Variants in SLIT2 observed in about 807,000 individuals in gnomAD.
SLIT2 encodes the protein slit guidance ligand 2.
Under a neutral mutation model 185.7 loss-of-function variants are expected in SLIT2, and 41 were observed. The ratio of observed to expected loss-of-function variants is 0.22; its 90% CI spans 0.17 to 0.29. SLIT2 has a LOEUF of 0.29. SLIT2 is among the 10% of genes least tolerant of loss of function. The pLI, the probability that SLIT2 is intolerant of heterozygous loss-of-function variation, is 1.00. For missense variants in SLIT2, 1,571 were observed against 1,909.0 expected (o/e 0.82, Z 3.30); for synonymous variants, 693 against 680.2 (o/e 1.02, Z -0.29).
intron 17 of SLIT2, among the ~76,000 whole-genome samples, chr4:20,533,165 C>G (rs1488619237): frequency 6.6e-6 from 1 of 152,220 alleles, no homozygotes; most frequent in Non-Finnish European, 1.5e-5. Context: ...ATATAAAACA[C>G]TAACACATTT....
chr4:20,363,411 GA>G (rs1722887688), intron 4 of SLIT2, among the ~76,000 whole-genome samples: 1 of 152,132 alleles, frequency 6.6e-6, no homozygotes, highest in Non-Finnish European at 1.5e-5. Flanking sequence ...AAGCAGAAGA[GA>G]ATTTACATCT....
chr4:20,543,815 C>A (rs1476909197), intron 21 of SLIT2, among the ~76,000 whole-genome samples: 1 of 152,176 alleles, frequency 6.6e-6, no homozygotes, highest in South Asian at 2.1e-4. Context: ...CTTAGGTCCT[C>A]TCTCACTACC....
rs3215198 is a variant in SLIT2, at chr4:20,532,077, ATT to A, written c.1688+26_1688+27del. 10 of 1,323,938 alleles carry A rather than the reference ATT, an allele frequency of 7.6e-6. No individual in the cohort carries two copies. Among genetic ancestry groups the A allele is most frequent in the Non-Finnish European group, 1.0e-5 (10 of 959,570 alleles). The allele number at this position is 1,323,938 out of a possible 1,614,324, so 82.0% of individuals were successfully genotyped here. ...GTAAAATGTAAGTCACTTGTTAGCT[ATT>A]TTTTTTATTTCTGTAGCATTTTTTG... is the stretch of plus-strand genomic sequence containing the variant. On this transcript the variant is annotated intron_variant, in intron 17 of 36. Transcript: ENST00000504154.
intron 18 of SLIT2, among the ~76,000 whole-genome samples, chr4:20,537,581 T>C (rs1302555974): frequency 3.9e-5 from 6 of 152,172 alleles, no homozygotes; most frequent in African/African-American, 1.4e-4. Flanking sequence ...CTCCTTTCAT[T>C]GTATTTCTGT....
Position 20,608,168 on chromosome 4 carries a change from T to C in SLIT2, c.3693-1845T>C, listed in dbSNP as rs1354801838. Among the ~76,000 whole-genome samples the C allele has an allele frequency of 6.6e-5, 10 of 152,250 alleles. No individual in the cohort carries two copies. In the East Asian group the frequency reaches 1.9e-3, roughly 29 times the overall value. On this transcript the variant is annotated intron_variant, in intron 33 of 36. Transcript: ENST00000504154. Reference sequence around the variant, plus strand: ...ATTAATTTTTGCTATGCTGGGTATCTTTCAGTCATTTTACATAGTCCTCAA... The same window carrying C: ...ATTAATTTTTGCTATGCTGGGTATCCTTCAGTCATTTTACATAGTCCTCAA...
chr4:20,254,889 C>G lies in SLIT2; in HGVS notation c.179+895C>G, dbSNP rs535174193. 4 of 455,970 alleles carry G rather than the reference C, an allele frequency of 8.8e-6. No individual in the cohort carries two copies. Among genetic ancestry groups the G allele is most frequent in the East Asian group, 7.0e-5 (1 of 14,374 alleles). 28.2% of individuals were successfully genotyped at this position (455,970 alleles called of 1,614,324 possible). Reference sequence around the variant, plus strand: ...CCCCTGCCTTCCCCTCTTCGCGCTCCGTTGCTCGCAGACGTCCCCGCCTCC... The same window carrying G: ...CCCCTGCCTTCCCCTCTTCGCGCTCGGTTGCTCGCAGACGTCCCCGCCTCC... On this transcript the variant is annotated intron_variant, in intron 1 of 36. Transcript: ENST00000504154. The surrounding 1 kb of genome is among the most constrained non-coding windows in gnomAD (Gnocchi z 5.1).
In SLIT2 at chr4:20,254,120, A is replaced by T; in HGVS notation, c.179+126A>T. 1.0e-6 allele frequency: 1 copy of T among 964,940 alleles called. No individual in the cohort carries two copies. The highest frequency in any genetic ancestry group is 2.5e-5 in the East Asian group (1 of 39,860). The allele number at this position is 964,940 out of a possible 1,614,324, so 59.8% of individuals were successfully genotyped here. On this transcript the variant is annotated intron_variant, in intron 1 of 36. Transcript: ENST00000504154. This position sits in a 1 kb window ranked among gnomAD's most constrained non-coding sequence, Gnocchi z 5.1. ...CCCTCGCTAGCTCTCCCCCATGCAC[A>T]TCCTGGGGTTGAGCTCTCCGGGAGG...
chr4:20,259,714 A>C (rs1400648599), intron 3 of SLIT2, among the ~76,000 whole-genome samples: 4 of 151,808 alleles, frequency 2.6e-5, no homozygotes, highest in African/African-American at 9.7e-5. Flanking sequence ...TCCTCTGGGA[A>C]TGTCACTTCA....
intron 15 of SLIT2, among the ~76,000 whole-genome samples, chr4:20,525,402 C>T (rs1283560217): frequency 6.6e-6 from 1 of 152,052 alleles, no homozygotes. Context: ...CTTTCTTTTA[C>T]TTTGGCGCAT....
rs1464266387 is a variant in SLIT2, at chr4:20,367,948, C to T, written c.395+99067C>T. 2.0e-5 allele frequency among the ~76,000 whole-genome samples: 3 copies of T among 152,012 alleles called. No individual in the cohort carries two copies. In the South Asian group the frequency reaches 6.2e-4, roughly 31 times the overall value. ...TTCGTTGGAAGAGAGAGGTCCCTTT[C>T]CTTTCCTTTTGAAGATTGATTAGTT... On this transcript the variant is annotated intron_variant, in intron 4 of 36. Transcript: ENST00000504154.
chr4:20,551,443 A>G (rs1723746593), intron 25 of SLIT2, among the ~76,000 whole-genome samples: 1 of 152,190 alleles, frequency 6.6e-6, no homozygotes, highest in Non-Finnish European at 1.5e-5. Flanking sequence ...TCTGATCACA[A>G]CTTGTTTGTA....
chr4:20,617,728 A>T (rs1729788809), intron 36 of SLIT2, 78 bp downstream of exon 36: 1 of 855,828 alleles, frequency 1.2e-6, no homozygotes, highest in Non-Finnish European at 1.7e-6. Context: ...AGAGGGAGAA[A>T]AAGTGAAAAA....
intron 4 of SLIT2, among the ~76,000 whole-genome samples, chr4:20,274,964 A>G (rs911136180): frequency 2.6e-5 from 4 of 152,264 alleles, no homozygotes; most frequent in East Asian, 1.9e-4. Flanking sequence ...TGCGTGAATT[A>G]ATGCCTAGAG....
At chr4:20,485,900 C>A (rs576109958) in intron 6 of SLIT2, among the ~76,000 whole-genome samples, 1 of 152,104 alleles carries the variant, frequency 6.6e-6, no homozygotes, top group African/African-American at 2.4e-5. Context: ...TATTTCTTAA[C>A]CAATATCCTA....
intron 7 of SLIT2, 99 bp from the exon 8 acceptor site, chr4:20,488,720 C>T: frequency 1.3e-6 from 1 of 797,752 alleles, no homozygotes; most frequent in Non-Finnish European, 1.9e-6. Flanking sequence ...TTGGAATCTG[C>T]TTAGCTTTAT....
At chr4:20,454,744 A>G (rs1712872247) in intron 4 of SLIT2, among the ~76,000 whole-genome samples, 1 of 152,218 alleles carries the variant, frequency 6.6e-6, no homozygotes, top group African/African-American at 2.4e-5. Context: ...TATAGGTATT[A>G]TACATTGCTG....
intron 4 of SLIT2, among the ~76,000 whole-genome samples, chr4:20,295,867 C>T (rs549220818): frequency 1.1e-3 from 162 of 152,222 alleles, no homozygotes; most frequent in African/African-American, 3.4e-3. Flanking sequence ...AATGGAAGGA[C>T]AGATATTATT....
At chr4:20,561,657 A>T (rs372023876) in intron 26 of SLIT2, among the ~76,000 whole-genome samples, 1 of 151,742 alleles carries the variant, frequency 6.6e-6, no homozygotes, top group Non-Finnish European at 1.5e-5. Flanking sequence ...GAACTTGGTC[A>T]AATCTTTTTT....
chr4:20,548,345 C>A, intron 22 of SLIT2, 143 bp from the exon 23 acceptor site: 1 of 588,042 alleles, frequency 1.7e-6, no homozygotes, highest in Non-Finnish European at 3.0e-6. Flanking sequence ...TCCAGTGGGT[C>A]GTTCACTGTT....
Sources: gnomAD v4.1 joint callset for allele counts (sites outside exome capture counted in the v4.1 genomes callset) on GRCh38, gnomAD v4.1.1 for gene constraint, Gnocchi (gnomAD v3.1) non-coding constraint, MANE v1.5 for transcripts, NCBI Gene and HGNC (gene_info 2026-07-23, HGNC 2026-07-21) for gene names.